RGS7BP: variants seen among roughly 807,000 people sequenced by gnomAD.
The protein encoded by RGS7BP is regulator of G protein signaling 7-binding protein.
Under a neutral mutation model 31.3 loss-of-function variants are expected in RGS7BP, and 9 were observed. The observed-to-expected ratio is 0.29, with a 90% CI of 0.17 to 0.50. RGS7BP has a LOEUF of 0.50. Among genes scored for constraint, RGS7BP ranks in the 20% least tolerant of loss-of-function variants. The probability of loss-of-function intolerance (pLI) is 0.98; values close to 1 mark genes in which losing one functional copy is unlikely to be tolerated. For missense variants in RGS7BP, 274 were observed against 322.0 expected, an observed-to-expected ratio of 0.85 and a Z score of 1.14; for synonymous variants, 115 against 120.1, an observed-to-expected ratio of 0.96 and a Z score of 0.28.
chr5:64,563,170 C>T (rs1742093049), intron 2 of RGS7BP, among the ~76,000 whole-genome samples: 1 of 152,048 alleles, frequency 6.6e-6, no homozygotes, highest in Non-Finnish European at 1.5e-5. Context: ...GTAGGGTTAA[C>T]TACTCAAAAC....
At chr5:64,528,359 G>A (rs1749284098) in intron 2 of RGS7BP, among the ~76,000 whole-genome samples, 1 of 152,148 alleles carries the variant, frequency 6.6e-6, no homozygotes, top group African/African-American at 2.4e-5. Context: ...TGGTGGTTAT[G>A]AAGATAAAAT....
intron 4 of RGS7BP, among the ~76,000 whole-genome samples, chr5:64,597,070 A>T (rs1743088969): frequency 1.3e-5 from 2 of 152,148 alleles, no homozygotes; most frequent in African/African-American, 4.8e-5. Flanking sequence ...TAATTAAAGG[A>T]TGCATCTGCT....
intron 2 of RGS7BP, among the ~76,000 whole-genome samples, chr5:64,547,908 G>A (rs1362460054): frequency 1.3e-5 from 2 of 152,040 alleles, no homozygotes; most frequent in African/African-American, 4.8e-5. Flanking sequence ...AATGCTAATA[G>A]GCCTTTTGGG....
chr5:64,576,196 A>T (rs540845014), intron 3 of RGS7BP, among the ~76,000 whole-genome samples: 2 of 152,230 alleles, frequency 1.3e-5, no homozygotes, highest in Admixed American at 1.3e-4. Context: ...ACAGCAAGGT[A>T]TGTAGTGATT....
At chr5:64,528,935 TAAG>T (rs545865200) in intron 2 of RGS7BP, among the ~76,000 whole-genome samples, 19 of 148,868 alleles carry the variant, frequency 1.3e-4, no homozygotes, top group Admixed American at 1.0e-3. Flanking sequence ...ATAGAACACA[TAAG>T]AAGTATTCAA....
In RGS7BP at chr5:64,506,515, C is replaced by T. The variant is rs540054707; in HGVS notation, c.-110C>T. ...GCCAGCCCCAGCACTGTGAGCTGCG[C>T]GCCTCAGGTCCGGGCTCCGGCTGCT... is the stretch of plus-strand genomic sequence containing the variant. On this transcript the variant is annotated 5_prime_UTR_variant, in exon 1 of 6. Transcript: ENST00000334025. The surrounding 1 kb of genome is among the most constrained non-coding windows in gnomAD (Gnocchi z 4.6). 1.5e-4 allele frequency: 136 copies of T among 907,228 alleles called. No individual in the cohort carries two copies. The African/African-American group carries it at 2.2e-3, about 14-fold the overall frequency. The allele number at this position is 907,228 out of a possible 1,614,324, so 56.2% of individuals were successfully genotyped here.
intron 2 of RGS7BP, among the ~76,000 whole-genome samples, chr5:64,542,310 T>C (rs1226384566): frequency 6.6e-6 from 1 of 152,226 alleles, no homozygotes; most frequent in Non-Finnish European, 1.5e-5. Flanking sequence ...CATTAGGACA[T>C]GCTTTGGTTC....
intron 2 of RGS7BP, among the ~76,000 whole-genome samples, chr5:64,515,091 A>C (rs1748940069): frequency 6.6e-6 from 1 of 152,240 alleles, no homozygotes; most frequent in South Asian, 2.1e-4. Context: ...AGGCTGTTTC[A>C]TTCATCTTTG....
At chr5:64,578,989 G>T (rs1742509825) in intron 3 of RGS7BP, among the ~76,000 whole-genome samples, 2 of 152,138 alleles carry the variant, frequency 1.3e-5, no homozygotes, top group African/African-American at 4.8e-5. Flanking sequence ...TTCTTCAACT[G>T]AATATATGTA....
rs1232291461 is a variant in RGS7BP at position 64,609,338 on chromosome 5, T to C, written c.*86T>C. The C allele has an allele frequency of 5.0e-6, 4 of 794,174 alleles. No homozygotes were observed. The highest frequency in any genetic ancestry group is 2.8e-5 in the South Asian group (2 of 71,986). 49.2% of individuals were successfully genotyped at this position (794,174 alleles called of 1,614,324 possible). On this transcript the variant is annotated 3_prime_UTR_variant, in exon 6 of 6. Transcript: ENST00000334025. Reference sequence around the variant, plus strand: ...TCCAGACAGCTGAACCACACAGTTATTGGTTTTTGACTATGTTTTCTATGC... The same window carrying C: ...TCCAGACAGCTGAACCACACAGTTACTGGTTTTTGACTATGTTTTCTATGC...
chr5:64,592,403 T>C (rs1306573631), intron 3 of RGS7BP, among the ~76,000 whole-genome samples: 1 of 152,150 alleles, frequency 6.6e-6, no homozygotes, highest in Non-Finnish European at 1.5e-5. Flanking sequence ...TGTTTCAGGA[T>C]CTTTGAAATC....
intron 3 of RGS7BP, among the ~76,000 whole-genome samples, chr5:64,576,673 T>C (rs951638698): frequency 8.5e-5 from 13 of 152,178 alleles, no homozygotes; most frequent in African/African-American, 2.9e-4. Flanking sequence ...GGAATTCCAT[T>C]GACTGGTTAA....
chr5:64,602,149 A>G (rs1011960051), intron 5 of RGS7BP, among the ~76,000 whole-genome samples: 2 of 152,110 alleles, frequency 1.3e-5, no homozygotes, highest in Non-Finnish European at 2.9e-5. Context: ...CCAGAACCGA[A>G]CCTGGCTGTG....
Position 64,506,514 on chromosome 5 carries a change from G to A in RGS7BP, c.-111G>A, listed in dbSNP as rs1212150290. ...AGCCAGCCCCAGCACTGTGAGCTGC[G>A]CGCCTCAGGTCCGGGCTCCGGCTGC... On this transcript the variant is annotated 5_prime_UTR_variant, in exon 1 of 6. Coordinates refer to ENST00000334025, the MANE Select transcript of RGS7BP (RefSeq NM_001029875.3). The surrounding 1 kb of genome is among the most constrained non-coding windows in gnomAD (Gnocchi z 4.6). 1 of 897,642 alleles carries A rather than the reference G, an allele frequency of 1.1e-6. No homozygotes were observed. The highest frequency in any genetic ancestry group is 2.6e-5 in the East Asian group (1 of 38,066). The allele number at this position is 897,642 out of a possible 1,614,324, so 55.6% of individuals were successfully genotyped here.
At chr5:64,507,645 T>C (rs1748731413) in intron 1 of RGS7BP, 66 bp from the exon 2 acceptor site, 1 of 1,468,970 alleles carries the variant, frequency 6.8e-7, no homozygotes, top group Non-Finnish European at 9.2e-7. Context: ...GTTTATGTAC[T>C]CCGAAACAGG....
intron 2 of RGS7BP, among the ~76,000 whole-genome samples, chr5:64,564,752 T>C (rs1239200880): frequency 6.6e-6 from 1 of 152,042 alleles, no homozygotes; most frequent in African/African-American, 2.4e-5. Flanking sequence ...AAGCCAGCAC[T>C]AGCAAATCTA....
intron 4 of RGS7BP, among the ~76,000 whole-genome samples, chr5:64,598,073 G>C (rs1414920310): frequency 6.6e-6 from 1 of 152,146 alleles, no homozygotes; most frequent in African/African-American, 2.4e-5. Context: ...CGTGACCAAT[G>C]GCTCTTCTCT....
intron 2 of RGS7BP, among the ~76,000 whole-genome samples, chr5:64,513,379 T>G (rs1265896769): frequency 6.6e-6 from 1 of 151,844 alleles, no homozygotes; most frequent in Non-Finnish European, 1.5e-5. Flanking sequence ...TCTGGGGGGG[T>G]TGGGGTGGAG....
chr5:64,531,833 G>A (rs2111925669), intron 2 of RGS7BP, among the ~76,000 whole-genome samples: 1 of 152,240 alleles, frequency 6.6e-6, no homozygotes, highest in Non-Finnish European at 1.5e-5. Flanking sequence ...AGGGTATTTA[G>A]GTAATTTAGA....
Sources: gnomAD v4.1 joint callset for allele counts (sites outside exome capture counted in the v4.1 genomes callset) on GRCh38, gnomAD v4.1.1 for gene constraint, Gnocchi (gnomAD v3.1) non-coding constraint, MANE v1.5 for transcripts, NCBI Gene and HGNC (gene_info 2026-07-23, HGNC 2026-07-21) for gene names.